Variants in SLC4A1 observed in about 807,000 individuals in gnomAD.
The protein encoded by SLC4A1 is solute carrier family 4 member 1 (Diego blood group), also known as band 3 anion transport protein.
A neutral mutation model predicts 93.1 loss-of-function variants in SLC4A1; 29 were observed. The ratio of observed to expected loss-of-function variants is 0.31; its 90% CI spans 0.23 to 0.42. SLC4A1 has a LOEUF of 0.42. Ranked by LOEUF, SLC4A1 falls within the 20% of genes least tolerant of loss-of-function variation. The pLI, the probability that SLC4A1 is intolerant of heterozygous loss-of-function variation, is 1.00. For synonymous variants in SLC4A1, 469 were observed against 497.2 expected (o/e 0.94, Z 0.76); for missense variants, 965 against 1,190.1 (o/e 0.81, Z 2.78).
intron 17 of SLC4A1, 140 bp from the exon 18 acceptor site, chr17:44,251,728 T>TTG (rs1555594866): frequency 3.0e-6 from 2 of 657,656 alleles, no homozygotes; most frequent in South Asian, 2.0e-5. Context: ...TTCTTTTTTT[T>TTG]TTTTTTTTTT....
intron 3 of SLC4A1, chr17:44,261,979 C>T (rs2047449682): frequency 4.9e-6 from 6 of 1,212,372 alleles, no homozygotes; most frequent in Non-Finnish European, 6.3e-6. Flanking sequence ...CTAGGACCTC[C>T]TCCCTCCCCT....
rs374621059 is a variant in SLC4A1 at position 44,259,286 on chromosome 17, C to T, written c.753G>A (p.Ala251=). The T allele has an allele frequency of 3.4e-5, 55 of 1,613,836 alleles. No individual in the cohort carries two copies. The highest frequency in any genetic ancestry group is 1.3e-4 in the East Asian group (6 of 44,894). Residue 251 remains alanine (A), a synonymous_variant, in exon 9 of 20, where the codon GCG becomes GCA. Transcript: ENST00000262418. Reference sequence around the variant, plus strand: ...CCGGCAGCTCCACCGCCTCCAGCTCCGCTGCCTCCTGCAGCCTCACGAAGC... The same window carrying T: ...CCGGCAGCTCCACCGCCTCCAGCTCTGCTGCCTCCTGCAGCCTCACGAAGC... ...VLGFVRLQEA[A]ELEAVELPVP...
At chr17:44,266,809 A>G (rs949949497) in intron 1 of SLC4A1, among the ~76,000 whole-genome samples, 12 of 152,164 alleles carry the variant, frequency 7.9e-5, no homozygotes, top group African/African-American at 2.9e-4. Context: ...GCCAGGCCAG[A>G]TAAGGGTGAG....
At chr17:44,259,017 C>T (rs1470929078) in intron 9 of SLC4A1, 146 bp downstream of exon 9, 11 of 875,222 alleles carry the variant, frequency 1.3e-5, no homozygotes, top group Non-Finnish European at 1.8e-5. Context: ...CGACTGCCCC[C>T]GCCAGGTAGG....
chr17:44,257,731 C>G lies in SLC4A1; in HGVS notation c.1359G>C (p.Leu453=), dbSNP rs767477757. ...CCACAAGCAGGGGCTGAGCCCCCAG[C>G]AGGGCGAAGAGAATGCCCTGCACTG... The part of the protein sequence containing the change: ...STAVQGILFA[L]LGAQPLLVVG... Residue 453 remains leucine, a synonymous_variant, in exon 12 of 20, where the codon CTG becomes CTC. Transcript: ENST00000262418. 3.7e-6 allele frequency: 6 copies of G among 1,613,954 alleles called. No homozygotes were observed. Among genetic ancestry groups the G allele is most frequent in the Non-Finnish European group, 5.1e-6 (6 of 1,180,036 alleles).
At chr17:44,260,052 A>T (rs1007766179) in intron 6 of SLC4A1, 120 bp from the exon 7 acceptor site, 1 of 1,305,858 alleles carries the variant, frequency 7.7e-7, no homozygotes, top group East Asian at 2.3e-5. Flanking sequence ...GACATCTGGG[A>T]CTTCCCAGAC....
Position 44,259,522 on chromosome 17 carries a change from A to C in SLC4A1, c.669T>G (p.Asp223Glu). The C allele has an allele frequency of 6.2e-7, 1 of 1,614,090 alleles. No homozygotes were observed. ...CCACTAGCACCAACGTGGCCTCTGA[A>C]TCCGGGGGAATCTTTTCCAGAATTC... ...PSGILEKIPPDSEATLVLVGR... is the reference protein window; with the variant it reads ...PSGILEKIPPESEATLVLVGR... Residue 223 changes from aspartate to glutamate, a missense_variant, in exon 8 of 20, where the codon GAT becomes GAG. Asp to Glu is a conservative substitution (Grantham distance 45). This residue lies in a region of SLC4A1 where 770 missense variants were observed against 1,006.6 expected (regional missense o/e 0.76). Transcript: ENST00000262418.
At chr17:44,260,905 G>C (rs1313672124) in intron 4 of SLC4A1, 90 bp from the exon 5 acceptor site, 17 of 1,456,592 alleles carry the variant, frequency 1.2e-5, no homozygotes, top group Non-Finnish European at 1.6e-5. Flanking sequence ...TTGTGCTTGT[G>C]AGGCTTGGAT....
At chr17:44,260,265 TG>T in intron 6 of SLC4A1, 138 bp downstream of exon 6, 1 of 1,102,442 alleles carries the variant, frequency 9.1e-7, no homozygotes, top group Non-Finnish European at 1.3e-6. Context: ...GTGTCAGAGA[TG>T]GGAGCCATAG....
At chr17:44,264,617 G>A (rs191368923) in intron 1 of SLC4A1, among the ~76,000 whole-genome samples, 5 of 152,346 alleles carry the variant, frequency 3.3e-5, no homozygotes, top group South Asian at 2.1e-4. Context: ...TGGCTGTCAC[G>A]TAGTAGGTGC....
At chr17:44,254,461 A>AACCCCGGCCCCCC in intron 16 of SLC4A1, 35 bp downstream of exon 16, 1 of 654,150 alleles carries the variant, frequency 1.5e-6, no homozygotes, top group Non-Finnish European at 2.8e-6. Context: ...CCTGCCTCCC[A>AACCCCGGCCCCCC]CCCTCCCAGG....
chr17:44,261,808 C>T (rs942533310), intron 3 of SLC4A1, among the ~76,000 whole-genome samples, 172 bp from the exon 4 acceptor site: 1 of 152,156 alleles, frequency 6.6e-6, no homozygotes, highest in Non-Finnish European at 1.5e-5. Context: ...GAATGAGGCT[C>T]CCCACACTTG....
intron 9 of SLC4A1, 30 bp downstream of exon 9, chr17:44,259,133 C>T (rs775512409): frequency 1.9e-6 from 3 of 1,611,958 alleles, no homozygotes; most frequent in Non-Finnish European, 2.5e-6. Flanking sequence ...CCAAGCTTCC[C>T]CAGCCCAGCC....
At chr17:44,253,412 T>C in intron 16 of SLC4A1, 41 bp from the exon 17 acceptor site, 1 of 1,588,748 alleles carries the variant, frequency 6.3e-7, no homozygotes. Flanking sequence ...GGTTCTCCCC[T>C]GCCTCCTCCA....
At position 44,260,697 on chromosome 17, in the gene SLC4A1, C is replaced by G. The variant is rs141244582; in HGVS notation, c.287G>C (p.Arg96Pro). 2 of 1,614,152 alleles carry G rather than the reference C, an allele frequency of 1.2e-6. No homozygotes were observed. The highest frequency in any genetic ancestry group is 1.7e-6 in the Non-Finnish European group (2 of 1,180,026). The change falls in exon 5 of 20, where the codon CGC becomes CCC. Residue 96 changes from arginine to proline, a missense_variant. Coordinates refer to ENST00000262418, the MANE Select transcript of SLC4A1 (RefSeq NM_000342.4). ...ENLGENGAWG[R>P]PHLSHLTFWS... ...GAAGGTGAGGTGAGAGAGGTGCGGG[C>G]GGCCCCAGGCCCCATTCTCCCCCAG...
At position 44,262,650 on chromosome 17, in the gene SLC4A1, A is replaced by T. The variant is rs55773290; in HGVS notation, c.92T>A (p.Met31Lys). 6 of 1,612,594 alleles carry T rather than the reference A, an allele frequency of 3.7e-6. No individual in the cohort carries two copies. The highest frequency in any genetic ancestry group is 2.2e-5 in the South Asian group (2 of 90,828). The change falls in exon 3 of 20, where the codon ATG becomes AAG. Residue 31 changes from methionine to lysine, a missense_variant. Physicochemically the swap from Met to Lys is moderately conservative, Grantham distance 95 (BLOSUM62 -1). Transcript: ENST00000262418. ...YEDPDIPESQ[M>K]EEPAAHDTEA... ...GAGGGGCTCACCTGCCGGCTCCTCC[A>T]TCTGGGACTCGGGGATGTCTGGGTC...
At position 44,250,523 on chromosome 17, in the gene SLC4A1, C is replaced by T. The variant is rs542233229; in HGVS notation, c.2671G>A (p.Ala891Thr). Residue 891 changes from alanine to threonine, a missense_variant, in exon 20 of 20, where the codon GCC becomes ACC. Coordinates refer to ENST00000262418, the MANE Select transcript of SLC4A1 (RefSeq NM_000342.4). ...TCCTCCTCATCAAAGGTTGCCTTGG[C>T]ATCATCAGCATCCAGCTGGAGGGGA... ...VELQCLDADD[A>T]KATFDEEEGR... is the part of the protein sequence containing the mutation. 1.2e-6 allele frequency: 2 copies of T among 1,613,762 alleles called. No homozygotes were observed. The highest frequency in any genetic ancestry group is 1.1e-5 in the South Asian group (1 of 91,082).
chr17:44,251,042 TG>T, intron 19 of SLC4A1, 116 bp downstream of exon 19: 1 of 1,164,346 alleles, frequency 8.6e-7, no homozygotes, highest in Non-Finnish European at 1.2e-6. Context: ...GGCCAGAACC[TG>T]GACACCAGCC....
rs372860708 is a variant in SLC4A1, at chr17:44,260,745, C to G, written c.239G>C (p.Arg80Pro). ...CAGGTTCTCCTCCAGTTGCACCCAG[C>G]GCGCCGCCTCCATCCATCTCAGCTC... ...NQELRWMEAA[R>P]WVQLEENLGE... Residue 80 changes from arginine to proline, a missense_variant, in exon 5 of 20, where the codon CGC becomes CCC. Physicochemically the swap from Arg to Pro is moderately radical, Grantham distance 103 (BLOSUM62 -2). Around this residue, in one of 2 missense-constraint regions of SLC4A1, gnomAD observed 195 missense variants for 183.5 expected, o/e 1.06. Transcript: ENST00000262418. The G allele has an allele frequency of 1.2e-6, 2 of 1,613,962 alleles. No individual in the cohort carries two copies. Among genetic ancestry groups the G allele is most frequent in the Admixed American group, 3.3e-5 (2 of 60,006 alleles).
Sources: gnomAD v4.1 joint callset for allele counts (sites outside exome capture counted in the v4.1 genomes callset) on GRCh38, gnomAD v4.1.1 for gene constraint, gnomAD v4.1.1 regional missense constraint, MANE v1.5 for transcripts, NCBI Gene and HGNC (gene_info 2026-07-23, HGNC 2026-07-21) for gene names.